Variants in NOL10 observed in about 807,000 individuals in gnomAD.
NOL10 encodes the protein nucleolar protein 10.
NOL10 carries 58 observed loss-of-function variants against 103.5 expected under a neutral mutation model. The ratio of observed to expected loss-of-function variants is 0.56; its 90% CI spans 0.45 to 0.70. The LOEUF is 0.70. Ranked by LOEUF, NOL10 falls within the 30% of genes least tolerant of loss-of-function variation. The pLI is 0.00. For missense variants in NOL10, 763 were observed against 807.3 expected (o/e 0.95, Z 0.67); for synonymous variants, 287 against 282.5 (o/e 1.02, Z -0.16).
In NOL10 at chr2:10,575,910, C is replaced by T. The variant is rs138419913; in HGVS notation, c.1947+1726G>A. Among the ~76,000 whole-genome samples the T allele has an allele frequency of 7.2e-5, 11 of 152,248 alleles. 1 individual carries two copies. The East Asian group carries it at 1.5e-3, about 21-fold the overall frequency. The stretch of plus-strand genomic sequence containing the variant: ...TCCCTCTGAATGTGTATTTGGCTTA[C>T]GTAAGTGATAAATGTAAGAGGGCAA... On this transcript the variant is annotated intron_variant, in intron 20 of 20. Coordinates refer to ENST00000381685, the MANE Select transcript of NOL10 (RefSeq NM_024894.4).
At chr2:10,644,541 C>A (rs999654969) in intron 12 of NOL10, among the ~76,000 whole-genome samples, 169 bp from the exon 13 acceptor site, 4 of 152,056 alleles carry the variant, frequency 2.6e-5, no homozygotes, top group Non-Finnish European at 5.9e-5. Context: ...AAAACAAATT[C>A]GAATTTTCCA....
In NOL10 at chr2:10,572,034, T is replaced by C. The variant is rs771569216; in HGVS notation, c.*37A>G. 2.5e-6 allele frequency: 4 copies of C among 1,611,596 alleles called. No individual in the cohort carries two copies. The highest frequency in any genetic ancestry group is 3.4e-6 in the Non-Finnish European group (4 of 1,179,174). On this transcript the variant is annotated 3_prime_UTR_variant, in exon 21 of 21. Transcript: ENST00000381685. ...AACGATGATCAGTTTGGGGGAGACGTACCCCTCCCTAATCACAGGTAGGAC... is the reference window on the plus strand; with the variant it reads ...AACGATGATCAGTTTGGGGGAGACGCACCCCTCCCTAATCACAGGTAGGAC...
intron 13 of NOL10, among the ~76,000 whole-genome samples, chr2:10,627,529 G>C (rs1349203812): frequency 2.0e-5 from 3 of 152,082 alleles, no homozygotes; most frequent in African/African-American, 4.8e-5. Flanking sequence ...CAAAAAATTA[G>C]TCGGGCGTGG....
chr2:10,655,541 G>A (rs188907414), intron 11 of NOL10, among the ~76,000 whole-genome samples: 40 of 152,214 alleles, frequency 2.6e-4, no homozygotes, highest in South Asian at 1.5e-3. Flanking sequence ...TAAAAATTAA[G>A]AGAAGGAAAG....
At position 10,654,648 on chromosome 2, in the gene NOL10, G is replaced by T. The variant is rs145656130; in HGVS notation, c.907-101C>A. 1,128 of 564,490 alleles carry T rather than the reference G, an allele frequency of 2.0e-3. 3 individuals are homozygous for T. The highest frequency in any genetic ancestry group is 3.8e-3 in the Middle Eastern group (14 of 3,678). 35.0% of individuals were successfully genotyped at this position (564,490 alleles called of 1,614,324 possible). A position where few individuals can be genotyped will look rare whatever the true frequency, so the allele number is the denominator to read the frequency against. ...ACTCAACCATCTACTCCTATGTAAA[G>T]AAATAAAATAGCCTACTTCAAATAC... On this transcript the variant is annotated intron_variant, in intron 11 of 20. Transcript: ENST00000381685.
chr2:10,603,693 G>A (rs931074368), intron 14 of NOL10, among the ~76,000 whole-genome samples: 37 of 152,072 alleles, frequency 2.4e-4, no homozygotes, highest in Non-Finnish European at 5.3e-4. Flanking sequence ...CTCCTCATCA[G>A]GGACTAATGA....
intron 1 of NOL10, among the ~76,000 whole-genome samples, chr2:10,687,031 C>A (rs11684157): frequency 0.53 from 79,668 of 151,228 alleles, 21,480 homozygotes; most frequent in Middle Eastern, 0.64. Context: ...AGGAGACTGC[C>A]TAGGATCACC....
intron 13 of NOL10, among the ~76,000 whole-genome samples, chr2:10,624,523 T>C (rs1218967772): frequency 6.6e-6 from 1 of 151,918 alleles, no homozygotes; most frequent in Non-Finnish European, 1.5e-5. Context: ...TTAAAAAAAA[T>C]AATAACCTAA....
intron 13 of NOL10, among the ~76,000 whole-genome samples, chr2:10,640,472 T>C (rs910091577): frequency 6.6e-6 from 1 of 152,220 alleles, no homozygotes. Flanking sequence ...ACTGTCCCCA[T>C]ATGCAGCTCA....
chr2:10,658,344 AG>A (rs1679980917), intron 10 of NOL10, among the ~76,000 whole-genome samples: 1 of 152,218 alleles, frequency 6.6e-6, no homozygotes. Flanking sequence ...ACTAGAGGCA[AG>A]GAAGCCTGGG....
At chr2:10,647,287 A>G (rs577095404) in intron 12 of NOL10, among the ~76,000 whole-genome samples, 1 of 152,336 alleles carries the variant, frequency 6.6e-6, no homozygotes, top group Non-Finnish European at 1.5e-5. Flanking sequence ...TCTGGGGACT[A>G]AAGGACTCAC....
At chr2:10,651,332 A>G (rs1474438984) in intron 12 of NOL10, among the ~76,000 whole-genome samples, 1 of 152,182 alleles carries the variant, frequency 6.6e-6, no homozygotes, top group Non-Finnish European at 1.5e-5. Flanking sequence ...CAAGGGTTGA[A>G]GCTCTCCCAG....
In NOL10 at chr2:10,675,457, TG is replaced by T. The variant is rs577847678; in HGVS notation, c.289+336del. 1.1e-3 allele frequency among the ~76,000 whole-genome samples: 165 copies of T among 150,680 alleles called. 2 individuals carry two copies. The highest frequency in any genetic ancestry group is 3.6e-3 in the African/African-American group (147 of 41,054). ...TTTATTTTTTATTATTTTGGGGGTT[TG>T]GGGGGGGTGCATTCTCTGAAAACAA... On this transcript the variant is annotated intron_variant, in intron 4 of 20. Coordinates refer to ENST00000381685, the MANE Select transcript of NOL10 (RefSeq NM_024894.4).
At chr2:10,615,269 T>G (rs536623960) in intron 13 of NOL10, among the ~76,000 whole-genome samples, 335 of 152,320 alleles carry the variant, frequency 2.2e-3, no homozygotes, top group African/African-American at 7.7e-3. Flanking sequence ...AAAGAAAAAC[T>G]ATTACCTGCC....
At chr2:10,602,739 CTT>C (rs1316740650) in intron 16 of NOL10, 35 bp downstream of exon 16, 6 of 1,269,284 alleles carry the variant, frequency 4.7e-6, no homozygotes, top group African/African-American at 1.5e-5. Context: ...ATTAAGTACT[CTT>C]CTCTGATAAA....
rs759403 is a variant in NOL10, at chr2:10,589,771, C to T, written c.1423-20G>A. 0.53 allele frequency: 743,506 copies of T among 1,402,668 alleles called. 201,374 individuals are homozygous for T. The highest frequency in any genetic ancestry group is 0.75 in the African/African-American group (50,500 of 67,700). The allele number at this position is 1,402,668 out of a possible 1,614,324, so 86.9% of individuals were successfully genotyped here. A position where few individuals can be genotyped will look rare whatever the true frequency, so the allele number is the denominator to read the frequency against. The stretch of plus-strand genomic sequence containing the variant: ...AAGACTCTACAAGGAGGAAAAAGTA[C>T]GTAAAAATTTAAGTTAATATCTGAC... On this transcript the variant is annotated intron_variant, in intron 17 of 20. Coordinates refer to ENST00000381685, the MANE Select transcript of NOL10 (RefSeq NM_024894.4).
chr2:10,580,083 G>A (rs560850176), intron 19 of NOL10, among the ~76,000 whole-genome samples: 30 of 152,164 alleles, frequency 2.0e-4, no homozygotes, highest in Non-Finnish European at 3.8e-4. Flanking sequence ...GTGTGTGGAG[G>A]TTTCTACATT....
chr2:10,586,725 A>G (rs1675039251), intron 19 of NOL10, among the ~76,000 whole-genome samples: 1 of 152,026 alleles, frequency 6.6e-6, no homozygotes, highest in African/African-American at 2.4e-5. Flanking sequence ...GACCTTTACA[A>G]TGATCCTCTC....
In NOL10 at chr2:10,659,166, AT is replaced by A; in HGVS notation, c.756+5del. On this transcript the variant is annotated splice_donor_5th_base_variant and intron_variant, in intron 10 of 20. Coordinates refer to ENST00000381685, the MANE Select transcript of NOL10 (RefSeq NM_024894.4). Reference sequence around the variant, plus strand: ...TACATGTGGTTTCCAAATTAAACATATTTACCTGCCCTGTGGTTGTTCCAAC... The same window carrying A: ...TACATGTGGTTTCCAAATTAAACATATTACCTGCCCTGTGGTTGTTCCAAC... The A allele has an allele frequency of 6.3e-7, 1 of 1,586,856 alleles. No homozygotes were observed. Among genetic ancestry groups the A allele is most frequent in the Non-Finnish European group, 8.6e-7 (1 of 1,162,862 alleles).
Sources: gnomAD v4.1 joint callset for allele counts (sites outside exome capture counted in the v4.1 genomes callset) on GRCh38, gnomAD v4.1.1 for gene constraint, MANE v1.5 for transcripts, NCBI Gene and HGNC (gene_info 2026-07-23, HGNC 2026-07-21) for gene names.